The following ASTN2 variants were observed in gnomAD, a reference collection of about 807,000 sequenced individuals.
ASTN2 encodes the protein astrotactin-2.
A neutral mutation model predicts 139.8 loss-of-function variants in ASTN2; 54 were observed. The observed-to-expected ratio is 0.39, with a 90% CI of 0.31 to 0.48. ASTN2 has a LOEUF of 0.48. Ranked by LOEUF, ASTN2 falls within the 20% of genes least tolerant of loss-of-function variation. The pLI is 0.95. For missense variants in ASTN2, 1,565 were observed against 1,725.1 expected, an observed-to-expected ratio of 0.91 and a Z score of 1.64; for synonymous variants, 756 against 719.5, an observed-to-expected ratio of 1.05 and a Z score of -0.81.
chr9:117,209,310 T>G (rs1306605236), intron 3 of ASTN2, among the ~76,000 whole-genome samples: 2 of 152,072 alleles, frequency 1.3e-5, no homozygotes, highest in Non-Finnish European at 2.9e-5. Flanking sequence ...ATTAGGAAAT[T>G]CACTTTTCCT....
chr9:117,154,749 G>C (rs180979652), intron 3 of ASTN2, among the ~76,000 whole-genome samples: 1 of 152,150 alleles, frequency 6.6e-6, no homozygotes, highest in African/African-American at 2.4e-5. Context: ...TCCTGGTTCT[G>C]CCTGTTAGCA....
At chr9:117,045,474 A>C (rs965181834) in intron 5 of ASTN2, among the ~76,000 whole-genome samples, 11 of 152,056 alleles carry the variant, frequency 7.2e-5, no homozygotes, top group Non-Finnish European at 1.5e-4. Context: ...AAAATTAATA[A>C]TCTAATTTTC....
chr9:117,016,926 A>T (rs1017705967), intron 6 of ASTN2, among the ~76,000 whole-genome samples: 5 of 151,292 alleles, frequency 3.3e-5, no homozygotes, highest in African/African-American at 1.2e-4. Context: ...ATGTGTGTCT[A>T]CTGTTTTCTG....
chr9:116,803,522 A>ATATATAT (rs1554748694), intron 13 of ASTN2, among the ~76,000 whole-genome samples: 4 of 21,126 alleles, frequency 1.9e-4, no homozygotes, highest in African/African-American at 6.6e-4. Flanking sequence ...ATATATATAT[A>ATATATAT]TTTTTTTTTT....
chr9:117,133,101 T>C (rs1314481581), intron 4 of ASTN2, among the ~76,000 whole-genome samples: 3 of 152,224 alleles, frequency 2.0e-5, no homozygotes, highest in Admixed American at 2.0e-4. Context: ...AATTCTGAAT[T>C]GTTTAGTGTA....
At position 116,907,635 on chromosome 9, in the gene ASTN2, C is replaced by T. The variant is rs374561012; in HGVS notation, c.1890-43902G>A. Among the ~76,000 whole-genome samples the T allele has an allele frequency of 5.6e-4, 86 of 152,252 alleles. 1 individual carries two copies. In the South Asian group the frequency reaches 0.011, roughly 19 times the overall value. ...AGAAAGATGGATGGCGGGTAATATC[C>T]GTTACCAACACCTGTACCGTGCTCA... is the stretch of plus-strand genomic sequence containing the variant. On this transcript the variant is annotated intron_variant, in intron 10 of 22. Transcript: ENST00000313400.
intron 1 of ASTN2, among the ~76,000 whole-genome samples, chr9:117,332,388 T>C (rs955138868): frequency 2.0e-5 from 3 of 152,108 alleles, no homozygotes; most frequent in Non-Finnish European, 2.9e-5. Context: ...CTGGCCAACA[T>C]GGTGAAACCC....
intron 19 of ASTN2, among the ~76,000 whole-genome samples, chr9:116,595,485 C>A (rs868377300): frequency 6.6e-6 from 1 of 152,202 alleles, no homozygotes; most frequent in Middle Eastern, 3.4e-3. Context: ...CACCACCATG[C>A]CTGGCTAATT....
intron 11 of ASTN2, among the ~76,000 whole-genome samples, chr9:116,835,667 C>T (rs1399324360): frequency 2.0e-5 from 3 of 152,190 alleles, no homozygotes; most frequent in African/African-American, 7.2e-5. Flanking sequence ...TGCTCCCTGA[C>T]CACCTTGGGT....
intron 2 of ASTN2, among the ~76,000 whole-genome samples, chr9:117,220,227 T>A (rs938085973): frequency 2.0e-5 from 3 of 152,040 alleles, no homozygotes; most frequent in Non-Finnish European, 1.5e-5. Context: ...CTGGGGTCCT[T>A]AAAATAATGT....
intron 4 of ASTN2, among the ~76,000 whole-genome samples, chr9:117,137,769 G>T (rs965591511): frequency 3.3e-5 from 5 of 151,886 alleles, no homozygotes; most frequent in Non-Finnish European, 7.4e-5. Flanking sequence ...GGCTGTCTTG[G>T]GTAAGTTTGG....
intron 1 of ASTN2, among the ~76,000 whole-genome samples, chr9:117,351,979 G>A (rs952363096): frequency 6.6e-6 from 1 of 152,180 alleles, no homozygotes; most frequent in Non-Finnish European, 1.5e-5. Context: ...AGATAAAAAT[G>A]TCCTAAGTAA....
intron 12 of ASTN2, 109 bp downstream of exon 12, chr9:116,820,508 T>A: frequency 7.3e-7 from 1 of 1,371,324 alleles, no homozygotes; most frequent in Non-Finnish European, 9.8e-7. Context: ...AAAGGCCATT[T>A]TATTGAAGGT....
At chr9:116,473,735 T>C (rs1283096658) in intron 20 of ASTN2, among the ~76,000 whole-genome samples, 1 of 152,112 alleles carries the variant, frequency 6.6e-6, no homozygotes, top group Non-Finnish European at 1.5e-5. Context: ...AAATGCCGTC[T>C]CTACTAAAAA....
At chr9:117,097,767 A>C (rs1019047291) in intron 4 of ASTN2, among the ~76,000 whole-genome samples, 3 of 152,244 alleles carry the variant, frequency 2.0e-5, no homozygotes, top group Non-Finnish European at 4.4e-5. Flanking sequence ...AATGCACGAA[A>C]GGATTTATTA....
chr9:116,687,364 G>C (rs1860301199), intron 16 of ASTN2: 1 of 644,098 alleles, frequency 1.6e-6, no homozygotes, highest in Non-Finnish European at 1.9e-6. Flanking sequence ...TGGACTCGTC[G>C]GAGCCGCGGG....
intron 4 of ASTN2, among the ~76,000 whole-genome samples, chr9:117,117,138 G>A (rs1829415909): frequency 6.6e-6 from 1 of 152,088 alleles, no homozygotes; most frequent in Admixed American, 6.5e-5. Context: ...GTGAAAAACA[G>A]AGAGGGGCTC....
chr9:116,994,014 T>C (rs941631218), intron 7 of ASTN2, among the ~76,000 whole-genome samples: 1 of 151,812 alleles, frequency 6.6e-6, no homozygotes, highest in Non-Finnish European at 1.5e-5. Flanking sequence ...CCTGGTTAAA[T>C]TGGGTGCTTG....
chr9:116,890,591 CCT>C (rs1311244279), intron 10 of ASTN2, among the ~76,000 whole-genome samples: 5 of 152,108 alleles, frequency 3.3e-5, no homozygotes, highest in Non-Finnish European at 5.9e-5. Context: ...TCGAAAGTCC[CCT>C]GTCAAAGCTG....
Sources: allele counts gnomAD v4.1 joint callset (sites outside exome capture counted in the v4.1 genomes callset), GRCh38; gene constraint gnomAD v4.1.1; transcripts MANE v1.5; gene names NCBI Gene and HGNC (gene_info 2026-07-23, HGNC 2026-07-21).